ERC1: variants seen among roughly 807,000 people sequenced by gnomAD.
ERC1 encodes the protein ELKS/RAB6-interacting/CAST family member 1.
ERC1 carries 56 observed loss-of-function variants against 132.0 expected under a neutral mutation model. The ratio of observed to expected loss-of-function variants is 0.42; its 90% CI spans 0.34 to 0.53. The LOEUF (loss-of-function observed/expected upper bound fraction) is 0.53, where lower values mean the gene tolerates loss of function less well. Ranked by LOEUF, ERC1 falls within the 20% of genes least tolerant of loss-of-function variation. The pLI is 0.03. For missense variants in ERC1, 1,202 were observed against 1,349.9 expected (o/e 0.89, Z 1.72); for synonymous variants, 478 against 476.1 (o/e 1.00, Z -0.05).
chr12:1,171,997 G>A (rs1320637634), intron 8 of ERC1, among the ~76,000 whole-genome samples: 2 of 152,266 alleles, frequency 1.3e-5, no homozygotes, highest in African/African-American at 4.8e-5. Context: ...GACTTCCTCT[G>A]ATTTTATCAG....
At position 1,447,627 on chromosome 12, in the gene ERC1, G is replaced by GTTTTTGT. The variant is rs374676553; in HGVS notation, c.3213+2881_3213+2882insTGTTTTT. ...TTCCTTTGTAAAACAGTTTGTCTTT[G>GTTTTTGT]TTTTGTTTTTGTTTTTGTTTTTGTT... On this transcript the variant is annotated intron_variant, in intron 18 of 18. Transcript: ENST00000360905. Among the ~76,000 whole-genome samples the GTTTTTGT allele has an allele frequency of 1.4e-3, 206 of 148,784 alleles. 1 individual carries two copies. The highest frequency in any genetic ancestry group is 5.0e-3 in the African/African-American group (197 of 39,342).
At chr12:1,317,966 G>A (rs2081883567) in intron 15 of ERC1, among the ~76,000 whole-genome samples, 1 of 152,132 alleles carries the variant, frequency 6.6e-6, no homozygotes. Context: ...TATGTAGCAT[G>A]TGTATATTGT....
intron 17 of ERC1, among the ~76,000 whole-genome samples, chr12:1,421,861 C>CAA (rs58514480): frequency 2.3e-4 from 30 of 128,084 alleles, no homozygotes; most frequent in Admixed American, 4.7e-4. Flanking sequence ...ACTAAAAATA[C>CAA]AAAAAAAAAA....
At chr12:1,303,071 TCCTGATC>T (rs1407223268) in intron 15 of ERC1, among the ~76,000 whole-genome samples, 7 of 152,206 alleles carry the variant, frequency 4.6e-5, no homozygotes, top group Admixed American at 2.6e-4. Flanking sequence ...AAAAAAATTC[TCCTGATC>T]ATCTTGAGCC....
intron 3 of ERC1, among the ~76,000 whole-genome samples, chr12:1,093,571 CTACT>C (rs1180848362): frequency 6.6e-6 from 1 of 152,116 alleles, no homozygotes; most frequent in Non-Finnish European, 1.5e-5. Context: ...GTATGTGCTC[CTACT>C]TACTTAAATG....
chr12:1,412,916 A>T (rs1348623843), intron 17 of ERC1, among the ~76,000 whole-genome samples: 1 of 152,234 alleles, frequency 6.6e-6, no homozygotes, highest in Non-Finnish European at 1.5e-5. Context: ...TACTAACATC[A>T]TCGTCTAATC....
intron 3 of ERC1, among the ~76,000 whole-genome samples, chr12:1,103,287 C>G (rs901991318): frequency 5.3e-5 from 8 of 152,170 alleles, no homozygotes; most frequent in African/African-American, 1.7e-4. Context: ...TCCATAGTGG[C>G]TAAAGCATGG....
intron 16 of ERC1, among the ~76,000 whole-genome samples, chr12:1,379,623 T>C (rs2088382123): frequency 6.6e-6 from 1 of 152,192 alleles, no homozygotes; most frequent in African/African-American, 2.4e-5. Flanking sequence ...GTAGTAATTA[T>C]TGTCTCACAC....
chr12:1,481,469 C>G (rs1160328677), intron 18 of ERC1, among the ~76,000 whole-genome samples: 3 of 152,196 alleles, frequency 2.0e-5, no homozygotes, highest in Non-Finnish European at 4.4e-5. Flanking sequence ...CACGGTTACA[C>G]AAGAGAAGTT....
intron 14 of ERC1, among the ~76,000 whole-genome samples, chr12:1,275,671 G>A (rs533957466): frequency 6.6e-6 from 1 of 152,090 alleles, no homozygotes; most frequent in African/African-American, 2.4e-5. Context: ...TGATTTCTAC[G>A]CTTCTTATCA....
At chr12:1,191,196 G>A (rs1443755725) in intron 12 of ERC1, among the ~76,000 whole-genome samples, 1 of 152,008 alleles carries the variant, frequency 6.6e-6, no homozygotes, top group Non-Finnish European at 1.5e-5. Flanking sequence ...AAGATATATG[G>A]ATAAAATTCT....
chr12:1,082,058 T>A (rs1473218533), intron 2 of ERC1, among the ~76,000 whole-genome samples: 1 of 152,188 alleles, frequency 6.6e-6, no homozygotes, highest in Non-Finnish European at 1.5e-5. Flanking sequence ...ACACGGAGCC[T>A]TGCTCTGTCA....
At position 1,299,135 on chromosome 12, in the gene ERC1, G is replaced by C. The variant is rs1442060202; in HGVS notation, c.2780+9123G>C. Reference sequence around the variant, plus strand: ...TGATAGAATTACTAAACAAACAAAAGCAATCAGAAATATAGAAGATCTAAA... The same window carrying C: ...TGATAGAATTACTAAACAAACAAAACCAATCAGAAATATAGAAGATCTAAA... On this transcript the variant is annotated intron_variant, in intron 15 of 18. Coordinates refer to ENST00000360905, the MANE Select transcript of ERC1 (RefSeq NM_178040.4). Among the ~76,000 whole-genome samples, 3 of 152,032 alleles carry C rather than the reference G, an allele frequency of 2.0e-5. No individual in the cohort carries two copies. The East Asian group carries it at 5.8e-4, about 29-fold the overall frequency.
chr12:1,098,882 G>C (rs1319786609), intron 3 of ERC1, among the ~76,000 whole-genome samples: 1 of 152,212 alleles, frequency 6.6e-6, no homozygotes, highest in Non-Finnish European at 1.5e-5. Context: ...GTCTAATTTA[G>C]ACCTGGAGGT....
At chr12:996,225 A>G (rs183220294) in intron 1 of ERC1, among the ~76,000 whole-genome samples, 9 of 140,470 alleles carry the variant, frequency 6.4e-5, no homozygotes, top group Admixed American at 2.9e-4. Flanking sequence ...AGCTGGGACT[A>G]CAGGTGCCCG....
intron 5 of ERC1, among the ~76,000 whole-genome samples, chr12:1,111,288 A>C (rs1945829206): frequency 1.3e-5 from 2 of 152,188 alleles, no homozygotes; most frequent in Admixed American, 1.3e-4. Flanking sequence ...TTAGTTTATC[A>C]CAATTATCAA....
intron 17 of ERC1, among the ~76,000 whole-genome samples, chr12:1,413,645 A>T (rs1347310771): frequency 6.6e-6 from 1 of 152,164 alleles, no homozygotes; most frequent in African/African-American, 2.4e-5. Context: ...TCTCTCTCAC[A>T]TGTCATTCTG....
chr12:1,201,873 A>G (rs1400910828), intron 12 of ERC1, among the ~76,000 whole-genome samples: 2 of 152,220 alleles, frequency 1.3e-5, no homozygotes, highest in Non-Finnish European at 2.9e-5. Context: ...TCCATGAAGT[A>G]TAGTGTCAGA....
At chr12:1,114,501 T>C (rs1175298313) in intron 6 of ERC1, among the ~76,000 whole-genome samples, 1 of 152,208 alleles carries the variant, frequency 6.6e-6, no homozygotes, top group Non-Finnish European at 1.5e-5. Context: ...GTTCTTTAGC[T>C]GAGAAAATGG....
Sources: gnomAD v4.1 joint callset for allele counts (sites outside exome capture counted in the v4.1 genomes callset) on GRCh38, gnomAD v4.1.1 for gene constraint, MANE v1.5 for transcripts, NCBI Gene and HGNC (gene_info 2026-07-23, HGNC 2026-07-21) for gene names.